The following CNTN3 variants were observed in gnomAD, a reference collection of about 807,000 sequenced individuals.
The protein encoded by CNTN3 is contactin 3.
CNTN3 carries 60 observed loss-of-function variants against 119.1 expected under a neutral mutation model. The ratio of observed to expected loss-of-function variants is 0.50; its 90% CI spans 0.41 to 0.62. The LOEUF (loss-of-function observed/expected upper bound fraction) is 0.62. Among genes scored for constraint, CNTN3 ranks in the 20% least tolerant of loss-of-function variants. The probability of loss-of-function intolerance (pLI) is 0.00; values close to 1 mark genes in which losing one functional copy is unlikely to be tolerated. For synonymous variants in CNTN3, 450 were observed against 438.7 expected (o/e 1.03, Z -0.32); for missense variants, 1,101 against 1,242.4 (o/e 0.89, Z 1.71).
intron 4 of CNTN3, among the ~76,000 whole-genome samples, chr3:74,439,937 C>G (rs947495070): frequency 6.6e-6 from 1 of 152,100 alleles, no homozygotes; most frequent in Middle Eastern, 3.2e-3. Flanking sequence ...CATGCAGTTC[C>G]TTGGTTTCTC....
intron 4 of CNTN3, among the ~76,000 whole-genome samples, chr3:74,461,544 T>C (rs890803329): frequency 6.6e-6 from 1 of 152,016 alleles, no homozygotes; most frequent in East Asian, 1.9e-4. Flanking sequence ...TCAAGAGGCA[T>C]CTAAATTTGG....
chr3:74,494,677 T>C (rs757380634), intron 3 of CNTN3, among the ~76,000 whole-genome samples: 1 of 152,102 alleles, frequency 6.6e-6, no homozygotes, highest in Non-Finnish European at 1.5e-5. Context: ...TGAAATATAA[T>C]ACAATCCCAA....
At chr3:74,424,074 C>T (rs1701656619) in intron 5 of CNTN3, among the ~76,000 whole-genome samples, 1 of 152,110 alleles carries the variant, frequency 6.6e-6, no homozygotes, top group African/African-American at 2.4e-5. Context: ...AATTCTCATC[C>T]TCTCAATAAC....
intron 4 of CNTN3, among the ~76,000 whole-genome samples, chr3:74,437,895 C>G (rs1328650357): frequency 6.6e-6 from 1 of 152,064 alleles, no homozygotes; most frequent in Non-Finnish European, 1.5e-5. Flanking sequence ...AATGGGGCAA[C>G]AGAAAAAGCC....
At chr3:74,283,266 T>C (rs1327053564) in intron 20 of CNTN3, among the ~76,000 whole-genome samples, 2 of 152,084 alleles carry the variant, frequency 1.3e-5, no homozygotes, top group Non-Finnish European at 2.9e-5. Flanking sequence ...AGCTTCCTCC[T>C]CTCTAAAGTA....
At chr3:74,586,283 CA>C (rs1204885701) in intron 1 of CNTN3, among the ~76,000 whole-genome samples, 6 of 151,896 alleles carry the variant, frequency 4.0e-5, no homozygotes, top group East Asian at 3.9e-4. Flanking sequence ...AATATTTCAT[CA>C]AAAAAATATA....
At chr3:74,300,301 G>A (rs755222123) in intron 16 of CNTN3, among the ~76,000 whole-genome samples, 15 of 152,158 alleles carry the variant, frequency 9.9e-5, no homozygotes, top group Non-Finnish European at 2.1e-4. Context: ...ATTCCAAGTA[G>A]AATATAATTC....
intron 4 of CNTN3, among the ~76,000 whole-genome samples, chr3:74,430,686 T>C (rs1701768863): frequency 6.6e-6 from 1 of 152,116 alleles, no homozygotes; most frequent in Non-Finnish European, 1.5e-5. Flanking sequence ...TGAGGGATCC[T>C]TGTGGGACCT....
chr3:74,589,440 T>A (rs1704659700), intron 1 of CNTN3, among the ~76,000 whole-genome samples: 1 of 146,448 alleles, frequency 6.8e-6, no homozygotes, highest in Non-Finnish European at 1.5e-5. Flanking sequence ...TGGCAATCAT[T>A]AAAAAGTCAG....
chr3:74,532,157 G>A (rs1703701411), intron 1 of CNTN3, among the ~76,000 whole-genome samples: 1 of 151,952 alleles, frequency 6.6e-6, no homozygotes, highest in South Asian at 2.1e-4. Context: ...ACATAGTGGT[G>A]GGTAGATGTG....
intron 11 of CNTN3, among the ~76,000 whole-genome samples, chr3:74,343,019 T>A (rs1208842116): frequency 2.0e-5 from 3 of 152,204 alleles, no homozygotes; most frequent in Non-Finnish European, 4.4e-5. Flanking sequence ...AAGGGGATAT[T>A]ATTAAGGTTC....
intron 2 of CNTN3, among the ~76,000 whole-genome samples, chr3:74,501,023 C>T (rs1401274542): frequency 6.6e-6 from 1 of 151,992 alleles, no homozygotes; most frequent in Non-Finnish European, 1.5e-5. Flanking sequence ...TACTCTCTCA[C>T]TCTTTATGTA....
intron 1 of CNTN3, among the ~76,000 whole-genome samples, chr3:74,552,057 C>A (rs1704000430): frequency 6.6e-6 from 1 of 152,044 alleles, no homozygotes; most frequent in African/African-American, 2.4e-5. Flanking sequence ...AGCCACTGCG[C>A]CTAGCCGGAT....
At chr3:74,518,030 AG>A (rs1703480365) in intron 2 of CNTN3, among the ~76,000 whole-genome samples, 1 of 152,016 alleles carries the variant, frequency 6.6e-6, no homozygotes, top group Non-Finnish European at 1.5e-5. Flanking sequence ...TGCAGGAGTC[AG>A]TTAACTAACC....
At chr3:74,534,163 C>T (rs1224170518) in intron 1 of CNTN3, among the ~76,000 whole-genome samples, 1 of 152,048 alleles carries the variant, frequency 6.6e-6, no homozygotes, top group African/African-American at 2.4e-5. Flanking sequence ...TCTGGGAAAA[C>T]AGGATCTAAG....
intron 11 of CNTN3, among the ~76,000 whole-genome samples, chr3:74,341,430 G>A (rs189565746): frequency 1.3e-3 from 193 of 152,208 alleles, no homozygotes; most frequent in African/African-American, 4.4e-3. Flanking sequence ...GGCACAAAAC[G>A]TTAAAAAACA....
chr3:74,285,950 T>C (rs901024069), intron 19 of CNTN3, among the ~76,000 whole-genome samples: 1 of 151,370 alleles, frequency 6.6e-6, no homozygotes, highest in African/African-American at 2.4e-5. Flanking sequence ...CAGATCATTT[T>C]TTAAAAATGT....
intron 5 of CNTN3, among the ~76,000 whole-genome samples, chr3:74,423,382 C>T (rs534692862): frequency 1.2e-4 from 18 of 152,250 alleles, no homozygotes; most frequent in Non-Finnish European, 2.5e-4. Context: ...CCTTCATATC[C>T]GAGCCTTGCT....
chr3:74,595,739 A>T (rs1201768753), intron 1 of CNTN3, among the ~76,000 whole-genome samples: 2 of 152,170 alleles, frequency 1.3e-5, no homozygotes, highest in Non-Finnish European at 1.5e-5. Context: ...TATCATACTG[A>T]ATGGGCAAAA....
Sources: allele counts gnomAD v4.1 joint callset (sites outside exome capture counted in the v4.1 genomes callset), GRCh38; gene constraint gnomAD v4.1.1; transcripts MANE v1.5; gene names NCBI Gene and HGNC (gene_info 2026-07-23, HGNC 2026-07-21).